The following NKAIN2 variants were observed in gnomAD, a reference collection of about 807,000 sequenced individuals.
NKAIN2 encodes the protein sodium/potassium-transporting ATPase subunit beta-1-interacting protein 2.
NKAIN2 carries 14 observed loss-of-function variants against 32.6 expected under a neutral mutation model. The ratio of observed to expected loss-of-function variants is 0.43; its 90% CI spans 0.28 to 0.67. The LOEUF (loss-of-function observed/expected upper bound fraction) is 0.67, where lower values mean the gene tolerates loss of function less well. Among genes scored for constraint, NKAIN2 ranks in the 30% least tolerant of loss-of-function variants. The pLI is 0.17. For synonymous variants in NKAIN2, 80 were observed against 87.2 expected (o/e 0.92, Z 0.46); for missense variants, 198 against 258.3 (o/e 0.77, Z 1.60).
intron 1 of NKAIN2, among the ~76,000 whole-genome samples, chr6:123,882,925 C>T (rs987075090): frequency 3.3e-5 from 5 of 152,148 alleles, no homozygotes; most frequent in Admixed American, 1.3e-4. Context: ...CAGCCAGAAA[C>T]TAAGCTGGTG....
At chr6:124,233,310 C>A (rs1387390017) in intron 1 of NKAIN2, among the ~76,000 whole-genome samples, 3 of 152,010 alleles carry the variant, frequency 2.0e-5, no homozygotes, top group Non-Finnish European at 4.4e-5. Context: ...TCTATCATAA[C>A]ATTTTCTGCA....
At chr6:123,953,645 T>C (rs977417213) in intron 1 of NKAIN2, among the ~76,000 whole-genome samples, 13 of 152,152 alleles carry the variant, frequency 8.5e-5, no homozygotes, top group Admixed American at 2.6e-4. Flanking sequence ...GAGCCACTGT[T>C]GGTAGACTGG....
At chr6:124,328,730 G>A (rs369542146) in intron 2 of NKAIN2, among the ~76,000 whole-genome samples, 10 of 152,238 alleles carry the variant, frequency 6.6e-5, no homozygotes, top group East Asian at 5.8e-4. Flanking sequence ...GTAAGCAGGC[G>A]TTTGTACTCC....
At chr6:123,875,977 C>T (rs928076035) in intron 1 of NKAIN2, among the ~76,000 whole-genome samples, 2 of 151,994 alleles carry the variant, frequency 1.3e-5, no homozygotes, top group Non-Finnish European at 2.9e-5. Context: ...CTCAGTTCTG[C>T]TATTCTGTCA....
intron 1 of NKAIN2, among the ~76,000 whole-genome samples, chr6:124,239,791 C>A (rs776078832): frequency 1.3e-5 from 2 of 152,020 alleles, no homozygotes; most frequent in African/African-American, 2.4e-5. Flanking sequence ...CTGGAGAAAG[C>A]GGGAAAGATC....
chr6:124,116,314 T>C (rs940776405), intron 1 of NKAIN2, among the ~76,000 whole-genome samples: 2 of 152,124 alleles, frequency 1.3e-5, no homozygotes, highest in Non-Finnish European at 2.9e-5. Context: ...CACACACTTG[T>C]ACCTTCTGGT....
At chr6:123,832,685 T>C (rs1245047948) in intron 1 of NKAIN2, among the ~76,000 whole-genome samples, 2 of 152,198 alleles carry the variant, frequency 1.3e-5, no homozygotes, top group African/African-American at 4.8e-5. Context: ...CATGTAGAAG[T>C]ATCTCATTCT....
intron 1 of NKAIN2, among the ~76,000 whole-genome samples, chr6:123,984,437 A>G (rs1032937895): frequency 2.6e-5 from 4 of 152,200 alleles, no homozygotes; most frequent in African/African-American, 9.7e-5. Context: ...TCTAAAATGT[A>G]GCACTGACCA....
In NKAIN2 at chr6:124,379,430, TCAG is replaced by T. The variant is rs1452276771; in HGVS notation, c.273+24085_273+24087del. ...ATTGGTTTTCTTCAACATCCCAAGT[TCAG>T]CTTCTCAATTCTTTCATCATTTATG... is the stretch of plus-strand genomic sequence containing the variant. On this transcript the variant is annotated intron_variant, in intron 3 of 6. Coordinates refer to ENST00000368417, the MANE Select transcript of NKAIN2 (RefSeq NM_001040214.3). Among the ~76,000 whole-genome samples, 3 of 152,154 alleles carry T rather than the reference TCAG, an allele frequency of 2.0e-5. No individual in the cohort carries two copies. The East Asian group carries it at 5.8e-4, about 30-fold the overall frequency.
intron 3 of NKAIN2, among the ~76,000 whole-genome samples, chr6:124,488,322 A>G (rs950549648): frequency 6.6e-6 from 1 of 152,094 alleles, no homozygotes; most frequent in African/African-American, 2.4e-5. Context: ...GTAAATTACT[A>G]TAATTAAATT....
At chr6:124,735,042 C>G (rs1776868722) in intron 4 of NKAIN2, among the ~76,000 whole-genome samples, 1 of 151,812 alleles carries the variant, frequency 6.6e-6, no homozygotes, top group East Asian at 1.9e-4. Context: ...TCCACACTCA[C>G]TGTTTTTTGA....
chr6:123,971,683 A>G (rs1471175225), intron 1 of NKAIN2, among the ~76,000 whole-genome samples: 1 of 152,126 alleles, frequency 6.6e-6, no homozygotes, highest in Non-Finnish European at 1.5e-5. Flanking sequence ...CATTGGCTGG[A>G]GTGGGGAAGG....
At chr6:124,779,135 G>A (rs2114778914) in intron 4 of NKAIN2, among the ~76,000 whole-genome samples, 1 of 152,038 alleles carries the variant, frequency 6.6e-6, no homozygotes, top group African/African-American at 2.4e-5. Flanking sequence ...AGATACTTGG[G>A]AGGTTTTGAG....
intron 4 of NKAIN2, among the ~76,000 whole-genome samples, chr6:124,747,782 C>T (rs72977756): frequency 0.043 from 6,526 of 151,662 alleles, 178 homozygotes; most frequent in Middle Eastern, 0.092. Flanking sequence ...GCATTTGCTT[C>T]CCCAAAAATA....
intron 1 of NKAIN2, among the ~76,000 whole-genome samples, chr6:123,874,693 G>C (rs1033545889): frequency 2.6e-5 from 4 of 151,834 alleles, no homozygotes; most frequent in Non-Finnish European, 4.4e-5. Context: ...TGTGAAAAAG[G>C]GTTCATAAAA....
At chr6:123,900,553 T>TTTG (rs1774528721) in intron 1 of NKAIN2, among the ~76,000 whole-genome samples, 1 of 109,316 alleles carries the variant, frequency 9.1e-6, no homozygotes, top group Non-Finnish European at 1.7e-5. Context: ...TTTTTTTTTT[T>TTTG]TTTTTTTTTT....
chr6:124,218,378 A>G (rs997744702), intron 1 of NKAIN2, among the ~76,000 whole-genome samples: 1 of 152,180 alleles, frequency 6.6e-6, no homozygotes, highest in East Asian at 1.9e-4. Flanking sequence ...TGACTGATAA[A>G]GATGATGAAA....
At chr6:124,756,464 A>G (rs1049233932) in intron 4 of NKAIN2, among the ~76,000 whole-genome samples, 1 of 152,222 alleles carries the variant, frequency 6.6e-6, no homozygotes, top group East Asian at 1.9e-4. Flanking sequence ...TAGACTCAAG[A>G]TCGCTAATCT....
At chr6:124,754,333 C>G (rs1562364617) in intron 4 of NKAIN2, among the ~76,000 whole-genome samples, 1 of 152,120 alleles carries the variant, frequency 6.6e-6, no homozygotes, top group South Asian at 2.1e-4. Context: ...GAGTTCATCA[C>G]ATCCTTTAAT....
Sources: gnomAD v4.1 joint callset for allele counts (sites outside exome capture counted in the v4.1 genomes callset) on GRCh38, gnomAD v4.1.1 for gene constraint, MANE v1.5 for transcripts, NCBI Gene and HGNC (gene_info 2026-07-23, HGNC 2026-07-21) for gene names.